FGF14: variants seen among roughly 807,000 people sequenced by gnomAD.
FGF14 encodes fibroblast growth factor 14, also known as fibroblast growth factor homologous factor 4.
FGF14 carries 5 observed loss-of-function variants against 25.5 expected under a neutral mutation model. That is an observed-to-expected ratio of 0.20 (90% confidence interval 0.10 to 0.41). The LOEUF is 0.41. Among genes scored for constraint, FGF14 ranks in the 10% least tolerant of loss-of-function variants. The probability of loss-of-function intolerance (pLI) is 1.00; values close to 1 mark genes in which losing one functional copy is unlikely to be tolerated. For missense variants in FGF14, 222 were observed against 320.1 expected, an observed-to-expected ratio of 0.69 and a Z score of 2.34; for synonymous variants, 138 against 118.3, an observed-to-expected ratio of 1.17 and a Z score of -1.08.
At chr13:101,726,198 A>G (rs1453167505) in intron 4 of FGF14, among the ~76,000 whole-genome samples, 1 of 152,072 alleles carries the variant, frequency 6.6e-6, no homozygotes, top group South Asian at 2.1e-4. Context: ...CAAAATGGAA[A>G]ATACTTTTGA....
intron 1 of FGF14, among the ~76,000 whole-genome samples, chr13:102,059,724 G>A (rs955115566): frequency 3.3e-5 from 5 of 152,030 alleles, no homozygotes; most frequent in African/African-American, 4.8e-5. Context: ...GGTTCTGCAC[G>A]CCTGTAGCCC....
At chr13:101,929,562 A>G (rs1318308321) in intron 1 of FGF14, among the ~76,000 whole-genome samples, 1 of 151,992 alleles carries the variant, frequency 6.6e-6, no homozygotes, top group East Asian at 1.9e-4. Context: ...TATTTTCCAC[A>G]TAGGTTTGCA....
At chr13:101,924,126 A>T (rs1189498820) in intron 1 of FGF14, among the ~76,000 whole-genome samples, 1 of 152,056 alleles carries the variant, frequency 6.6e-6, no homozygotes, top group Non-Finnish European at 1.5e-5. Context: ...GAATACCTCA[A>T]CAGAAAAAAA....
intron 1 of FGF14, among the ~76,000 whole-genome samples, chr13:102,231,387 G>A (rs1653339254): frequency 6.6e-6 from 1 of 152,184 alleles, no homozygotes; most frequent in Non-Finnish European, 1.5e-5. Flanking sequence ...GTGAACAGCA[G>A]TGACAGGAGG....
At chr13:101,759,802 T>C (rs1464439441) in intron 3 of FGF14, among the ~76,000 whole-genome samples, 1 of 152,102 alleles carries the variant, frequency 6.6e-6, no homozygotes, top group East Asian at 1.9e-4. Flanking sequence ...GCTATTACTG[T>C]AGAGAAAAGA....
chr13:101,915,959 G>A (rs1436547580), intron 1 of FGF14, among the ~76,000 whole-genome samples: 1 of 152,164 alleles, frequency 6.6e-6, no homozygotes, highest in Non-Finnish European at 1.5e-5. Context: ...TGGGGGCACC[G>A]CCAGGATATC....
At chr13:102,118,085 A>G (rs979895149) in intron 1 of FGF14, among the ~76,000 whole-genome samples, 1 of 152,182 alleles carries the variant, frequency 6.6e-6, no homozygotes, top group Non-Finnish European at 1.5e-5. Context: ...TTTTTAACAC[A>G]GAACTCTGTG....
chr13:102,010,998 T>C (rs558504782), intron 1 of FGF14, among the ~76,000 whole-genome samples: 26 of 152,292 alleles, frequency 1.7e-4, no homozygotes, highest in Non-Finnish European at 2.6e-4. Context: ...ATATTTAGAA[T>C]AGGTTTTCTA....
chr13:102,027,793 G>A (rs1036965086), intron 1 of FGF14, among the ~76,000 whole-genome samples: 1 of 151,878 alleles, frequency 6.6e-6, no homozygotes, highest in African/African-American at 2.4e-5. Context: ...TGGGGCTGAT[G>A]GGTTATCCTG....
At chr13:102,369,000 G>C (rs1346084547) in intron 1 of FGF14, among the ~76,000 whole-genome samples, 2 of 152,188 alleles carry the variant, frequency 1.3e-5, no homozygotes, top group Non-Finnish European at 2.9e-5. Context: ...GCTCCAGAGA[G>C]ATTTCATCAT....
intron 1 of FGF14, among the ~76,000 whole-genome samples, chr13:102,278,368 G>A (rs138859882): frequency 8.5e-5 from 13 of 152,302 alleles, no homozygotes; most frequent in Non-Finnish European, 1.8e-4. Flanking sequence ...AACTGGAAAG[G>A]TGGCTTCAAG....
chr13:101,816,221 G>A (rs923753144), intron 3 of FGF14, among the ~76,000 whole-genome samples: 2 of 144,584 alleles, frequency 1.4e-5, no homozygotes, highest in African/African-American at 2.6e-5. Context: ...AGTGAGCCGA[G>A]ATCGCGCCAC....
intron 1 of FGF14, among the ~76,000 whole-genome samples, chr13:102,360,291 T>C (rs2057530293): frequency 6.6e-6 from 1 of 152,168 alleles, no homozygotes; most frequent in South Asian, 2.1e-4. Context: ...ATGATCTTGT[T>C]GGGAACAGTC....
intron 1 of FGF14, among the ~76,000 whole-genome samples, chr13:101,954,704 G>A (rs1474745312): frequency 6.8e-6 from 1 of 147,458 alleles, no homozygotes; most frequent in African/African-American, 2.7e-5. Flanking sequence ...CTGAAAGTGT[G>A]TGTGTGTGTG....
At chr13:101,756,903 T>C (rs983984285) in intron 3 of FGF14, among the ~76,000 whole-genome samples, 3 of 152,220 alleles carry the variant, frequency 2.0e-5, no homozygotes, top group Non-Finnish European at 4.4e-5. Flanking sequence ...TAAGTTAGTA[T>C]AAAAAGTGCT....
intron 1 of FGF14, among the ~76,000 whole-genome samples, chr13:101,912,900 G>A (rs2033094943): frequency 6.6e-6 from 1 of 152,032 alleles, no homozygotes; most frequent in South Asian, 2.1e-4. Context: ...CCCAGTGTAT[G>A]GCAAACACTC....
rs56698541 is a variant in FGF14, at chr13:102,225,881, G to C, written c.208+175590C>G. On this transcript the variant is annotated intron_variant, in intron 1 of 4. Transcript: ENST00000376131. ...GTTACAGGATGTACATATTGTAACT[G>C]ACCACTTGCAGAAACTGTCATTGAG... Among the ~76,000 whole-genome samples the C allele has an allele frequency of 9.0e-3, 1,370 of 152,238 alleles. 22 individuals are homozygous for C. The highest frequency in any genetic ancestry group is 0.03 in the African/African-American group (1,256 of 41,546).
intron 1 of FGF14, among the ~76,000 whole-genome samples, chr13:102,026,037 G>T (rs770024636): frequency 7.2e-5 from 11 of 151,864 alleles, no homozygotes; most frequent in African/African-American, 2.7e-4. Flanking sequence ...TTGTTCTAGG[G>T]GGAAATCATT....
rs776729608 is a variant in FGF14, at chr13:101,840,444, C to T, written c.408+28281G>A. On this transcript the variant is annotated intron_variant, in intron 3 of 4. Transcript: ENST00000376143. ...TGTTATTTTATTTCCCTCAGTGATG[C>T]ATATACAATAACTCTTATTCACTAA... Among the ~76,000 whole-genome samples, 3 of 151,730 alleles carry T rather than the reference C, an allele frequency of 2.0e-5. No homozygotes were observed. In the South Asian group the frequency reaches 6.2e-4, roughly 31 times the overall value.
Sources: gnomAD v4.1 joint callset for allele counts (sites outside exome capture counted in the v4.1 genomes callset) on GRCh38, gnomAD v4.1.1 for gene constraint, MANE v1.5 for transcripts, NCBI Gene and HGNC (gene_info 2026-07-23, HGNC 2026-07-21) for gene names.